Variants in NFIB observed in about 807,000 individuals in gnomAD.
The protein encoded by NFIB is nuclear factor 1 B-type.
A neutral mutation model predicts 61.5 loss-of-function variants in NFIB; 11 were observed. The observed-to-expected ratio is 0.18, with a 90% CI of 0.11 to 0.30. NFIB has a LOEUF of 0.30. Ranked by LOEUF, NFIB falls within the 10% of genes least tolerant of loss-of-function variation. The probability of loss-of-function intolerance (pLI) is 1.00; values close to 1 mark genes in which losing one functional copy is unlikely to be tolerated. For missense variants in NFIB, 471 were observed against 608.9 expected (o/e 0.77, Z 2.38); for synonymous variants, 260 against 216.5 (o/e 1.20, Z -1.76).
rs1461533801 is a variant in NFIB, at chr9:14,323,860, C to CGTTTGCACTGTAT, written c.109-16341_109-16340insATACAGTGCAAAC. The stretch of plus-strand genomic sequence containing the variant: ...TCCCCTTGTATACACATCATACATA[C>CGTTTGCACTGTAT]GTTTGGCTGTGTGTGAATAATATAC... On this transcript the variant is annotated intron_variant, in intron 1 of 8. Coordinates refer to the NFIB transcript ENST00000380934. Among the ~76,000 whole-genome samples, 30 of 152,324 alleles carry CGTTTGCACTGTAT rather than the reference C, an allele frequency of 2.0e-4. No homozygotes were observed. The East Asian group carries it at 5.8e-3, about 29-fold the overall frequency.
intron 3 of NFIB, among the ~76,000 whole-genome samples, chr9:14,172,084 A>C (rs2045625999): frequency 6.6e-6 from 1 of 152,228 alleles, no homozygotes; most frequent in Admixed American, 6.5e-5. Flanking sequence ...GGAATATGGA[A>C]GCAAGAACAG....
At chr9:14,426,847 G>T in the NFIB span, among the ~76,000 whole-genome samples, 4 of 152,128 alleles carry the variant, frequency 2.6e-5, no homozygotes, top group Non-Finnish European at 5.9e-5. Flanking sequence ...AAGATGCAAA[G>T]CTCTCAAGTT....
At chr9:14,122,782 T>C (rs1178985038) in intron 7 of NFIB, among the ~76,000 whole-genome samples, 1 of 152,134 alleles carries the variant, frequency 6.6e-6, no homozygotes, top group East Asian at 1.9e-4. Flanking sequence ...CTGGAGGAGA[T>C]CTATTTTCAA....
At chr9:14,237,841 CAGTGTGTGTG>C (rs1233333228) in intron 2 of NFIB, among the ~76,000 whole-genome samples, 4 of 26,028 alleles carry the variant, frequency 1.5e-4, no homozygotes, top group East Asian at 1.3e-3. Context: ...CTAGGTATAA[CAGTGTGTGTG>C]TGTGTGTGTG....
chr9:14,125,204 C>G (rs2130883112), intron 7 of NFIB, among the ~76,000 whole-genome samples: 2 of 152,340 alleles, frequency 1.3e-5, no homozygotes, highest in Middle Eastern at 3.4e-3. Flanking sequence ...GTCGCCTAGG[C>G]TGGAGTGCAG....
chr9:14,113,210 T>C (rs973500875), intron 9 of NFIB, 129 bp from the exon 10 acceptor site: 12 of 695,588 alleles, frequency 1.7e-5, no homozygotes, highest in Non-Finnish European at 2.1e-5. Context: ...ATTTCTCTTC[T>C]CTTTTGTCTG....
chr9:14,247,378 A>G (rs1587903302), intron 2 of NFIB, among the ~76,000 whole-genome samples: 1 of 152,250 alleles, frequency 6.6e-6, no homozygotes, highest in East Asian at 1.9e-4. Context: ...GCGCCATCCA[A>G]TAATGCAGGG....
At chr9:14,479,642 G>C in the NFIB span, among the ~76,000 whole-genome samples, 1 of 152,148 alleles carries the variant, frequency 6.6e-6, no homozygotes, top group African/African-American at 2.4e-5. Context: ...CTCATGTTTT[G>C]TCCTTAGGTC....
chr9:14,211,736 C>T (rs2050327106), intron 2 of NFIB, among the ~76,000 whole-genome samples: 1 of 152,188 alleles, frequency 6.6e-6, no homozygotes. Flanking sequence ...GCTGGTGGGC[C>T]CCTCCACGTC....
the NFIB span, among the ~76,000 whole-genome samples, chr9:14,416,995 C>T: frequency 1.3e-5 from 2 of 149,904 alleles, no homozygotes; most frequent in Non-Finnish European, 2.9e-5. Context: ...CGGGTTCAAG[C>T]GATTCTCCTG....
At chr9:14,220,528 G>C (rs1160884085) in intron 2 of NFIB, among the ~76,000 whole-genome samples, 1 of 152,116 alleles carries the variant, frequency 6.6e-6, no homozygotes, top group Admixed American at 6.5e-5. Context: ...AAGAAACCAG[G>C]AGCCCCGCCT....
the NFIB span, among the ~76,000 whole-genome samples, chr9:14,484,723 T>C: frequency 6.6e-6 from 1 of 152,198 alleles, no homozygotes; most frequent in African/African-American, 2.4e-5. Context: ...ATTGACCATC[T>C]GCAATACGCC....
chr9:14,169,223 T>G (rs1273062459), intron 3 of NFIB, among the ~76,000 whole-genome samples: 1 of 152,174 alleles, frequency 6.6e-6, no homozygotes, highest in Non-Finnish European at 1.5e-5. Flanking sequence ...CAAGTGGAAG[T>G]GATGATTTTA....
the NFIB span, among the ~76,000 whole-genome samples, chr9:14,504,570 A>G: frequency 6.6e-6 from 1 of 151,892 alleles, no homozygotes; most frequent in African/African-American, 2.4e-5. Context: ...ATTCCTAAGT[A>G]TTTTATTTAT....
chr9:14,194,365 C>G (rs1302058051), intron 2 of NFIB, among the ~76,000 whole-genome samples: 11 of 152,072 alleles, frequency 7.2e-5, no homozygotes. Context: ...ATTGCACAGA[C>G]ACTAAAAACC....
chr9:14,267,127 G>A (rs965624068), intron 2 of NFIB, among the ~76,000 whole-genome samples: 1 of 152,134 alleles, frequency 6.6e-6, no homozygotes, highest in Non-Finnish European at 1.5e-5. Context: ...AAGAAAATTT[G>A]TTTCCTGGAA....
chr9:14,508,443 C>G, the NFIB span, among the ~76,000 whole-genome samples: 2 of 152,184 alleles, frequency 1.3e-5, no homozygotes, highest in Non-Finnish European at 2.9e-5. Context: ...GTTGTTTGAT[C>G]TAGGGGTGAG....
chr9:14,297,359 G>C (rs544089725), intron 2 of NFIB, among the ~76,000 whole-genome samples: 2 of 152,292 alleles, frequency 1.3e-5, no homozygotes, highest in South Asian at 4.1e-4. Context: ...GAAAAACTGA[G>C]GCCATGGACT....
intron 2 of NFIB, among the ~76,000 whole-genome samples, chr9:14,255,739 T>A (rs1442819091): frequency 4.6e-5 from 7 of 152,240 alleles, no homozygotes; most frequent in Non-Finnish European, 1.5e-5. Context: ...AATAACCTTT[T>A]AACAATCCAG....
Sources: allele counts gnomAD v4.1 joint callset (sites outside exome capture counted in the v4.1 genomes callset), GRCh38; gene constraint gnomAD v4.1.1; transcripts MANE v1.5; gene names NCBI Gene and HGNC (gene_info 2026-07-23, HGNC 2026-07-21).